The following FKBP4 variants were observed in gnomAD, a reference collection of about 807,000 sequenced individuals.
FKBP4 encodes FKBP prolyl isomerase 4, also known as peptidyl-prolyl cis-trans isomerase FKBP4.
FKBP4 carries 28 observed loss-of-function variants against 54.1 expected under a neutral mutation model. The ratio of observed to expected loss-of-function variants is 0.52; its 90% CI spans 0.38 to 0.71. The LOEUF is 0.71. FKBP4 is among the 30% of genes least tolerant of loss of function. The probability of loss-of-function intolerance (pLI) is 0.00; values close to 1 mark genes in which losing one functional copy is unlikely to be tolerated. For missense variants in FKBP4, 493 were observed against 574.4 expected (o/e 0.86, Z 1.45); for synonymous variants, 223 against 216.1 (o/e 1.03, Z -0.28).
Position 2,798,836 on chromosome 12 carries a change from T to G in FKBP4, c.514+10T>G. On this transcript the variant is annotated intron_variant, in intron 4 of 9. Transcript: ENST00000001008. The surrounding 1 kb of genome is among the most constrained non-coding windows in gnomAD (Gnocchi z 4.3). ...GGTGCTATCGTGGAGGGTGAGACAGTACAGTCTGGGCTTTCAATTCTCATT... is the reference window on the plus strand; with the variant it reads ...GGTGCTATCGTGGAGGGTGAGACAGGACAGTCTGGGCTTTCAATTCTCATT... The G allele has an allele frequency of 6.2e-7, 1 of 1,613,552 alleles. No individual in the cohort carries two copies. The highest frequency in any genetic ancestry group is 1.1e-5 in the South Asian group (1 of 91,062).
rs768397372 is a variant in FKBP4 at position 2,799,071 on chromosome 12, CCTCT to C, written c.515-14_515-11del. ...GCCCTCTTACAACTCTGGTACACTG[CCTCT>C]CTTTCATGCCAGTTGCACTGGAAGG... On this transcript the variant is annotated splice_polypyrimidine_tract_variant and intron_variant, in intron 4 of 9. Coordinates refer to ENST00000001008, the MANE Select transcript of FKBP4 (RefSeq NM_002014.4). The C allele has an allele frequency of 9.8e-6, 15 of 1,523,048 alleles. No homozygotes were observed. Among genetic ancestry groups the C allele is most frequent in the Non-Finnish European group, 1.3e-5 (15 of 1,135,620 alleles). 94.3% of individuals were successfully genotyped at this position (1,523,048 alleles called of 1,614,324 possible).
chr12:2,802,309 T>C (rs1391999547), intron 9 of FKBP4, among the ~76,000 whole-genome samples: 2 of 152,044 alleles, frequency 1.3e-5, no homozygotes, highest in African/African-American at 4.8e-5. Flanking sequence ...GGCTAATTTT[T>C]GTATTTTTAG....
intron 7 of FKBP4, 90 bp downstream of exon 7, chr12:2,800,212 A>C (rs2097903979): frequency 6.7e-7 from 1 of 1,492,622 alleles, no homozygotes; most frequent in Admixed American, 1.8e-5. Flanking sequence ...ATTTTCTGCC[A>C]AGAAGTGGAC....
At chr12:2,796,594 C>T (rs2097901987) in intron 1 of FKBP4, 2 of 1,175,100 alleles carry the variant, frequency 1.7e-6, no homozygotes, top group Non-Finnish European at 2.1e-6. Context: ...GGAGAGCCTC[C>T]GGGTTCACCT....
chr12:2,801,093 T>C (rs2153920309), intron 8 of FKBP4, 24 bp from the exon 9 acceptor site: 3 of 1,611,820 alleles, frequency 1.9e-6, no homozygotes, highest in Non-Finnish European at 2.5e-6. Context: ...TCCCACAATG[T>C]GGCTTCCTCT....
Position 2,796,976 on chromosome 12 carries a change from CAT to C in FKBP4, c.106-160_106-159del, listed in dbSNP as rs1277571373. ...AGAAAGACAAGAAGGTTAGTTGACT[CAT>C]AAGCCAAGCTGCTAGTAACTGAATC... is the stretch of plus-strand genomic sequence containing the variant. On this transcript the variant is annotated intron_variant, in intron 1 of 9. Transcript: ENST00000001008. The C allele has an allele frequency of 1.6e-5, 23 of 1,406,034 alleles. No individual in the cohort carries two copies. In the African/African-American group the frequency reaches 3.1e-4, roughly 19 times the overall value. 87.1% of individuals were successfully genotyped at this position (1,406,034 alleles called of 1,614,324 possible). A position where few individuals can be genotyped will look rare whatever the true frequency, so the allele number is the denominator to read the frequency against.
At chr12:2,796,095 G>A in intron 1 of FKBP4, 1 of 1,202,502 alleles carries the variant, frequency 8.3e-7, no homozygotes, top group Non-Finnish European at 1.1e-6. Flanking sequence ...TTGGGTCGGA[G>A]CAGGTTCCAG....
intron 7 of FKBP4, 72 bp from the exon 8 acceptor site, chr12:2,800,320 G>A: frequency 6.7e-7 from 1 of 1,501,938 alleles, no homozygotes; most frequent in Non-Finnish European, 9.0e-7. Flanking sequence ...ATGTGTCACT[G>A]ATGTCTGCAG....
At chr12:2,801,539 C>G in intron 9 of FKBP4, 183 bp downstream of exon 9, 1 of 829,892 alleles carries the variant, frequency 1.2e-6, no homozygotes, top group Non-Finnish European at 1.9e-6. Context: ...GTGCGGGAAA[C>G]CTACCCACAA....
rs755186050 is a variant in FKBP4, at chr12:2,800,550, C to A, written c.1005C>A (p.Phe335Leu). 4.6e-5 allele frequency: 74 copies of A among 1,612,360 alleles called. No individual in the cohort carries two copies. Among genetic ancestry groups the A allele is most frequent in the Non-Finnish European group, 3.4e-6 (4 of 1,179,400 alleles). ...LAMCHLKLQA[F>L]SAAIESCNKA... ...TGTGTCATCTGAAACTACAGGCCTT[C>A]TCTGCTGCCATTGAAAGCTGTAACA... is the stretch of plus-strand genomic sequence containing the variant. The change falls in exon 8 of 10, where the codon TTC becomes TTA. Residue 335 changes from phenylalanine to leucine, a missense_variant. Physicochemically the swap from Phe to Leu is conservative, Grantham distance 22. Coordinates refer to ENST00000001008, the MANE Select transcript of FKBP4 (RefSeq NM_002014.4).
rs2097901242 is a variant in FKBP4 at position 2,795,584 on chromosome 12, C to T, written c.105+340C>T. The T allele has an allele frequency of 6.8e-6, 1 of 146,336 alleles. No individual in the cohort carries two copies. The highest frequency in any genetic ancestry group is 2.5e-5 in the African/African-American group (1 of 40,726). 9.1% of individuals were successfully genotyped at this position (146,336 alleles called of 1,614,324 possible). A position where few individuals can be genotyped will look rare whatever the true frequency, so the allele number is the denominator to read the frequency against. On this transcript the variant is annotated intron_variant, in intron 1 of 9. Transcript: ENST00000001008. The surrounding 1 kb of genome is among the most constrained non-coding windows in gnomAD (Gnocchi z 4.3). Reference sequence around the variant, plus strand: ...GGAGAGGGGCGGGGCGAGGCGACCGCCGCGGGCACCCGAGCCGCAGCCCGG... The same window carrying T: ...GGAGAGGGGCGGGGCGAGGCGACCGTCGCGGGCACCCGAGCCGCAGCCCGG...
At chr12:2,797,900 T>C in intron 3 of FKBP4, 29 bp downstream of exon 3, 1 of 1,602,704 alleles carries the variant, frequency 6.2e-7, no homozygotes, top group Middle Eastern at 1.7e-4. Context: ...AGATCCAGGC[T>C]AAGAGCCAGG....
At position 2,805,169 on chromosome 12, in the gene FKBP4, T is replaced by C. The variant is rs1565399608; in HGVS notation, c.*1911T>C. ...TAACTTTAATAACCCTATTTACAGA[T>C]AAGAAAACCAAGACTCAGAAGTTAA... On this transcript the variant is annotated 3_prime_UTR_variant, in exon 10 of 10. Transcript: ENST00000001008. 1 of 455,906 alleles carries C rather than the reference T, an allele frequency of 2.2e-6. No homozygotes were observed. Among genetic ancestry groups the C allele is most frequent in the Non-Finnish European group, 4.4e-6 (1 of 226,786 alleles). The allele number at this position is 455,906 out of a possible 1,614,324, so 28.2% of individuals were successfully genotyped here.
rs755409739 is a variant in FKBP4 at position 2,803,222 on chromosome 12, G to A, written c.1344G>A (p.Thr448=). ...TEMKEEQKSN[T]AGSQSQVETE... ...TGAAGGAGGAGCAGAAGAGCAACACGGCAGGGAGCCAGTCTCAGGTGGAGA... is the reference window on the plus strand; with the variant it reads ...TGAAGGAGGAGCAGAAGAGCAACACAGCAGGGAGCCAGTCTCAGGTGGAGA... Residue 448 remains threonine (T), a synonymous_variant, in exon 10 of 10, where the codon ACG becomes ACA. Coordinates refer to ENST00000001008, the MANE Select transcript of FKBP4 (RefSeq NM_002014.4). 1.3e-5 allele frequency: 21 copies of A among 1,600,426 alleles called. No homozygotes were observed. The highest frequency in any genetic ancestry group is 1.7e-5 in the Non-Finnish European group (20 of 1,174,286).
rs769044481 is a variant in FKBP4 at position 2,797,206 on chromosome 12, T to C, written c.174T>C (p.Thr58=). 3.2e-5 allele frequency: 52 copies of C among 1,613,738 alleles called. No homozygotes were observed. Among genetic ancestry groups the C allele is most frequent in the Non-Finnish European group, 1.2e-5 (14 of 1,179,854 alleles). Residue 58 remains threonine, a synonymous_variant, in exon 2 of 10, where the codon ACT becomes ACC. Coordinates refer to ENST00000001008, the MANE Select transcript of FKBP4 (RefSeq NM_002014.4). ...GGGACCGAGTCTTTGTCCACTACAC[T>C]GGCTGGCTATTAGATGGCACAAAGT... is the stretch of plus-strand genomic sequence containing the variant. The part of the protein sequence containing the change: ...MIGDRVFVHY[T]GWLLDGTKFD...
intron 8 of FKBP4, 152 bp from the exon 9 acceptor site, chr12:2,800,965 T>G: frequency 2.1e-6 from 2 of 941,568 alleles, no homozygotes; most frequent in Non-Finnish European, 3.2e-6. Flanking sequence ...GATTGTTCCA[T>G]TTAATGCCTC....
Position 2,801,321 on chromosome 12 carries a change from A to G in FKBP4, c.1237A>G (p.Asn413Asp). 6.2e-7 allele frequency: 1 copy of G among 1,614,130 alleles called. No homozygotes were observed. The highest frequency in any genetic ancestry group is 8.5e-7 in the Non-Finnish European group (1 of 1,180,010). ...TGCCCGGGAGAAGAAGCTCTATGCC[A>G]ATATGTTTGAGAGGCTGGCTGAGGA... ...QLAREKKLYA[N>D]MFERLAEEEN... Residue 413 changes from asparagine (N) to aspartate (D), a missense_variant, in exon 9 of 10, where the codon AAT (asparagine) becomes GAT (aspartate). Transcript: ENST00000001008.
At chr12:2,799,699 A>G (rs1039341567) in intron 5 of FKBP4, 151 bp from the exon 6 acceptor site, 2 of 673,136 alleles carry the variant, frequency 3.0e-6, no homozygotes, top group Non-Finnish European at 5.3e-6. Flanking sequence ...ACCATCTGAC[A>G]GTGTGAAGAG....
intron 1 of FKBP4, 135 bp from the exon 2 acceptor site, chr12:2,797,003 C>G: frequency 2.1e-6 from 3 of 1,438,644 alleles, no homozygotes; most frequent in South Asian, 1.5e-5. Flanking sequence ...GTAACTGAAT[C>G]TGGAGGGACA....
Sources: gnomAD v4.1 joint callset for allele counts (sites outside exome capture counted in the v4.1 genomes callset) on GRCh38, gnomAD v4.1.1 for gene constraint, Gnocchi (gnomAD v3.1) non-coding constraint, MANE v1.5 for transcripts, NCBI Gene and HGNC (gene_info 2026-07-23, HGNC 2026-07-21) for gene names.